The following SLC6A3 variants were observed in gnomAD, a reference collection of about 807,000 sequenced individuals.
The protein encoded by SLC6A3 is solute carrier family 6 member 3, also known as sodium-dependent dopamine transporter.
In SLC6A3, 19 loss-of-function variants were observed where a neutral mutation model predicts 70.4. The ratio of observed to expected loss-of-function variants is 0.27; its 90% CI spans 0.19 to 0.40. The LOEUF is 0.40. Among genes scored for constraint, SLC6A3 ranks in the 10% least tolerant of loss-of-function variants. The pLI, the probability that SLC6A3 is intolerant of heterozygous loss-of-function variation, is 1.00. For synonymous variants in SLC6A3, 368 were observed against 356.6 expected (o/e 1.03, Z -0.36); for missense variants, 613 against 838.5 (o/e 0.73, Z 3.32).
chr5:1,432,026 G>A (rs1308815292), intron 4 of SLC6A3, among the ~76,000 whole-genome samples: 4 of 152,176 alleles, frequency 2.6e-5, no homozygotes, highest in Non-Finnish European at 5.9e-5. Context: ...GGCAAGGGCC[G>A]GAGTGAGGCA....
At position 1,413,550 on chromosome 5, in the gene SLC6A3, C is replaced by T. The variant is rs1334281899; in HGVS notation, c.1156+1141G>A. Among the ~76,000 whole-genome samples, 1 of 152,226 alleles carries T rather than the reference C, an allele frequency of 6.6e-6. No homozygotes were observed. The highest frequency in any genetic ancestry group is 1.5e-5 in the Non-Finnish European group (1 of 68,032). On this transcript the variant is annotated intron_variant, in intron 8 of 14. Transcript: ENST00000270349. This position sits in a 1 kb window ranked among gnomAD's most constrained non-coding sequence, Gnocchi z 7.1. ...AGTCAGCAACAACACCCACACGGGA[C>T]AGGGGCTTTTCTGAGCACAATCATT...
intron 7 of SLC6A3, among the ~76,000 whole-genome samples, chr5:1,415,290 G>A (rs456645): frequency 0.71 from 107,824 of 151,556 alleles, 38,866 homozygotes; most frequent in Middle Eastern, 0.85. Context: ...GAGGCAAGCC[G>A]AGGACGAAGA....
chr5:1,443,870 G>T (rs11564754), intron 1 of SLC6A3, among the ~76,000 whole-genome samples: 11,610 of 151,636 alleles, frequency 0.077, 482 homozygotes, highest in Middle Eastern at 0.11. Context: ...TGTTGTTGTT[G>T]TTTTTTTGTA....
intron 1 of SLC6A3, among the ~76,000 whole-genome samples, chr5:1,444,473 CACA>C (rs370342153): frequency 2.2e-3 from 332 of 152,076 alleles, no homozygotes; most frequent in African/African-American, 7.6e-3. Flanking sequence ...CGCACACACA[CACA>C]ACGACTGAAG....
chr5:1,414,701 C>G lies in SLC6A3; in HGVS notation c.1146G>C (p.Val382=). 1.9e-6 allele frequency: 3 copies of G among 1,612,492 alleles called. No homozygotes were observed. Among genetic ancestry groups the G allele is most frequent in the Non-Finnish European group, 1.7e-6 (2 of 1,179,784 alleles). The part of the protein sequence containing the change: ...AQKHSVPIGD[V]AKDGPGLIFI... ...GCAGGAGGGGCTCACCGTCCTTGGCCACGTCCCCGATGGGCACACTGTGCT... is the reference window on the plus strand; with the variant it reads ...GCAGGAGGGGCTCACCGTCCTTGGCGACGTCCCCGATGGGCACACTGTGCT... Residue 382 remains valine (V), a synonymous_variant, in exon 8 of 15, where the codon GTG becomes GTC. Transcript: ENST00000270349.
rs771893425 is a variant in SLC6A3 at position 1,409,852 on chromosome 5, GC to G, written c.1270-4del. ...ATCACTGACTCCATACCACCCATCT[GC>G]ACACAGAGCACAGGGTCGGGCTGCA... is the stretch of plus-strand genomic sequence containing the variant. On this transcript the variant is annotated splice_polypyrimidine_tract_variant and splice_region_variant and intron_variant, in intron 9 of 14. Transcript: ENST00000270349. 8 of 1,613,104 alleles carry G rather than the reference GC, an allele frequency of 5.0e-6. No homozygotes were observed. In the South Asian group the frequency reaches 8.8e-5, roughly 18 times the overall value.
At position 1,409,861 on chromosome 5, in the gene SLC6A3, G is replaced by A. The variant is rs750612368; in HGVS notation, c.1270-12C>T. 2.0e-5 allele frequency: 33 copies of A among 1,613,024 alleles called. No individual in the cohort carries two copies. The Middle Eastern group carries it at 8.3e-4, about 40-fold the overall frequency. ...TCCATACCACCCATCTGCACACAGAGCACAGGGTCGGGCTGCAGGCTGGCG... is the reference window on the plus strand; with the variant it reads ...TCCATACCACCCATCTGCACACAGAACACAGGGTCGGGCTGCAGGCTGGCG... On this transcript the variant is annotated splice_polypyrimidine_tract_variant and intron_variant, in intron 9 of 14. Transcript: ENST00000270349.
In SLC6A3 at chr5:1,400,960, C is replaced by T. The variant is rs1371806814; in HGVS notation, c.1794G>A (p.Glu598=). 1.3e-6 allele frequency: 2 copies of T among 1,597,594 alleles called. No homozygotes were observed. Among genetic ancestry groups the T allele is most frequent in the Admixed American group, 3.4e-5 (2 of 58,662 alleles). ...CTCTGTCCACCAGCTCACGGTCCTT[C>T]TCGGGTGCAATGGCGTAGGCCAGTT... is the stretch of plus-strand genomic sequence containing the variant. ...REKLAYAIAP[E]KDRELVDRGE... Residue 598 remains glutamate, a synonymous_variant, in exon 14 of 15, where the codon GAG becomes GAA. Coordinates refer to ENST00000270349, the MANE Select transcript of SLC6A3 (RefSeq NM_001044.5).
chr5:1,410,747 T>A (rs1407697599), intron 9 of SLC6A3, among the ~76,000 whole-genome samples: 1 of 152,178 alleles, frequency 6.6e-6, no homozygotes, highest in East Asian at 1.9e-4. Context: ...CACTCTGGTG[T>A]CCGGAGCCAA....
intron 8 of SLC6A3, among the ~76,000 whole-genome samples, chr5:1,414,433 T>G: frequency 8.5e-6 from 1 of 117,780 alleles, no homozygotes; most frequent in African/African-American, 3.6e-5. Flanking sequence ...GAGAAGGCAC[T>G]GGGTGGGGGG....
intron 1 of SLC6A3, 144 bp from the exon 2 acceptor site, chr5:1,443,386 T>C (rs1733728765): frequency 1.4e-6 from 1 of 695,710 alleles, no homozygotes. Flanking sequence ...TCTCAGCGCC[T>C]GAGATGGTAC....
At position 1,421,590 on chromosome 5, in the gene SLC6A3, C is replaced by T. The variant is rs1756436806; in HGVS notation, c.792+286G>A. Among the ~76,000 whole-genome samples, 1 of 152,178 alleles carries T rather than the reference C, an allele frequency of 6.6e-6. No homozygotes were observed. The highest frequency in any genetic ancestry group is 1.5e-5 in the Non-Finnish European group (1 of 68,020). ...GTGTGTCCGCCCAGCCCAGCCACGG[C>T]CACGTGTCCCCCCACCCACCCATGG... On this transcript the variant is annotated intron_variant, in intron 5 of 14. Transcript: ENST00000270349. The surrounding 1 kb of genome is among the most constrained non-coding windows in gnomAD (Gnocchi z 7.2).
In SLC6A3 at chr5:1,405,438, C is replaced by A. The variant is rs1019941756; in HGVS notation, c.1599+750G>T. Among the ~76,000 whole-genome samples, 1 of 152,318 alleles carries A rather than the reference C, an allele frequency of 6.6e-6. No homozygotes were observed. Among genetic ancestry groups the A allele is most frequent in the East Asian group, 1.9e-4 (1 of 5,182 alleles). ...GTCCCCTGCCCTGTTCCAGTCCCCA[C>A]CTCGTGCCTGCTGGACTCGGGAGGT... is the stretch of plus-strand genomic sequence containing the variant. On this transcript the variant is annotated intron_variant, in intron 12 of 14. Transcript: ENST00000270349. The surrounding 1 kb of genome is among the most constrained non-coding windows in gnomAD (Gnocchi z 5.3).
chr5:1,400,978 G>A lies in SLC6A3; in HGVS notation c.1776C>T (p.Ala592=). The A allele has an allele frequency of 6.3e-7, 1 of 1,595,704 alleles. No homozygotes were observed. Among genetic ancestry groups the A allele is most frequent in the East Asian group, 2.3e-5 (1 of 44,268 alleles). ...GGTCCTTCTCGGGTGCAATGGCGTA[G>A]GCCAGTTTCTGAAAGAGAAAGAGAG... The part of the protein sequence containing the change: ...SLPGSFREKL[A]YAIAPEKDRE... The change falls in exon 14 of 15, where the codon GCC becomes GCT. Residue 592 remains alanine (A), a synonymous_variant. Coordinates refer to ENST00000270349, the MANE Select transcript of SLC6A3 (RefSeq NM_001044.5).
intron 4 of SLC6A3, among the ~76,000 whole-genome samples, chr5:1,430,570 C>T (rs961420899): frequency 3.3e-5 from 5 of 152,210 alleles, no homozygotes; most frequent in African/African-American, 1.2e-4. Flanking sequence ...CCACACCCTC[C>T]GGCCTGCCCG....
In SLC6A3 at chr5:1,393,553, G is replaced by GGCAGA. The variant is rs1480589409; in HGVS notation, c.*1177_*1181dup. On this transcript the variant is annotated 3_prime_UTR_variant, in exon 15 of 15. Transcript: ENST00000270349. ...TCCTGGAGGTCACGGCTCAAGGCCA[G>GGCAGA]GCAGAGTGTGGTCTGCAGGCTGCCT... 1.9e-5 allele frequency: 3 copies of GGCAGA among 154,538 alleles called. No homozygotes were observed. Among genetic ancestry groups the GGCAGA allele is most frequent in the African/African-American group, 7.2e-5 (3 of 41,512 alleles). The allele number at this position is 154,538 out of a possible 1,614,324, so 9.6% of individuals were successfully genotyped here.
chr5:1,443,861 G>T (rs189113895), intron 1 of SLC6A3, among the ~76,000 whole-genome samples: 1,736 of 149,552 alleles, frequency 0.012, 32 homozygotes, highest in African/African-American at 0.039. Context: ...TTTTTTTGTT[G>T]TTGTTGTTGT....
chr5:1,414,883 A>T, intron 7 of SLC6A3, 68 bp from the exon 8 acceptor site: 2 of 1,603,130 alleles, frequency 1.2e-6, no homozygotes, highest in African/African-American at 2.7e-5. Context: ...TCCAGTCATT[A>T]TTCTTAATTT....
chr5:1,420,424 C>A, intron 6 of SLC6A3, 145 bp downstream of exon 6: 3 of 862,618 alleles, frequency 3.5e-6, no homozygotes, highest in Non-Finnish European at 4.0e-6. Flanking sequence ...TGCTGTATCA[C>A]AGGTACTTGG....
Sources: gnomAD v4.1 joint callset for allele counts (sites outside exome capture counted in the v4.1 genomes callset) on GRCh38, gnomAD v4.1.1 for gene constraint, Gnocchi (gnomAD v3.1) non-coding constraint, MANE v1.5 for transcripts, NCBI Gene and HGNC (gene_info 2026-07-23, HGNC 2026-07-21) for gene names.